Variants in VSNL1 observed in about 807,000 individuals in gnomAD.
VSNL1 encodes visinin-like protein 1.
VSNL1 carries 6 observed loss-of-function variants against 20.4 expected under a neutral mutation model. That is an observed-to-expected ratio of 0.29 (90% CI 0.16 to 0.58). VSNL1 has a LOEUF of 0.58. Ranked by LOEUF, VSNL1 falls within the 20% of genes least tolerant of loss-of-function variation. The pLI, the probability that VSNL1 is intolerant of heterozygous loss-of-function variation, is 0.90. For synonymous variants in VSNL1, 93 were observed against 86.4 expected (o/e 1.08, Z -0.42); for missense variants, 100 against 234.5 (o/e 0.43, Z 3.75).
At chr2:17,567,347 G>GTCT (rs1205553808) in intron 1 of VSNL1, 1 of 125,930 alleles carries the variant, frequency 7.9e-6, no homozygotes, top group Non-Finnish European at 1.6e-5. Flanking sequence ...GTCTCATAGA[G>GTCT]TCTCACTTTT....
At chr2:17,574,188 AT>A (rs1367223784) in intron 1 of VSNL1, among the ~76,000 whole-genome samples, 3 of 151,904 alleles carry the variant, frequency 2.0e-5, no homozygotes, top group African/African-American at 7.3e-5. Flanking sequence ...ATCCTATCCT[AT>A]GTCTTTCTTT....
chr2:17,549,375 T>A (rs2103337594), intron 1 of VSNL1, among the ~76,000 whole-genome samples: 1 of 152,262 alleles, frequency 6.6e-6, no homozygotes, highest in African/African-American at 2.4e-5. Flanking sequence ...TGCACATACA[T>A]CCAGATAGAT....
intron 2 of VSNL1, among the ~76,000 whole-genome samples, chr2:17,594,457 C>G (rs149469895): frequency 1.1e-4 from 16 of 152,216 alleles, no homozygotes; most frequent in Non-Finnish European, 1.5e-4. Flanking sequence ...AAAGGAGAAG[C>G]CTGGAAAAAG....
Position 17,649,308 on chromosome 2 carries a change from G to T in VSNL1, c.163-102G>T. On this transcript the variant is annotated intron_variant, in intron 2 of 3. Coordinates refer to ENST00000295156, the MANE Select transcript of VSNL1 (RefSeq NM_003385.5). This position sits in a 1 kb window ranked among gnomAD's most constrained non-coding sequence, Gnocchi z 6.4. ...ACTGCTCTCCAATGGGTGAGGCTCC[G>T]ACAACGCCCAGGAGCACCTGTGATG... 1.7e-6 allele frequency: 2 copies of T among 1,201,922 alleles called. No homozygotes were observed. Among genetic ancestry groups the T allele is most frequent in the South Asian group, 2.7e-5 (2 of 75,212 alleles). 74.5% of individuals were successfully genotyped at this position (1,201,922 alleles called of 1,614,324 possible).
chr2:17,630,163 A>C (rs1011689988), intron 2 of VSNL1, among the ~76,000 whole-genome samples: 2 of 152,232 alleles, frequency 1.3e-5, no homozygotes, highest in African/African-American at 4.8e-5. Context: ...CGGGCTTTCA[A>C]CTGTCTTTGC....
At position 17,655,157 on chromosome 2, in the gene VSNL1, G is replaced by C; in HGVS notation, c.379-40G>C. ...GCAAGAAGAGCTCTCTGTCCTCCTG[G>C]GTTTCTGGTAATATCACCTACAATG... On this transcript the variant is annotated intron_variant, in intron 3 of 3. Transcript: ENST00000295156. This position sits in a 1 kb window ranked among gnomAD's most constrained non-coding sequence, Gnocchi z 5.2. The C allele has an allele frequency of 6.2e-7, 1 of 1,603,826 alleles. No individual in the cohort carries two copies. The highest frequency in any genetic ancestry group is 1.1e-5 in the South Asian group (1 of 90,412).
At chr2:17,600,576 T>A (rs1271464669) in intron 2 of VSNL1, among the ~76,000 whole-genome samples, 1 of 152,272 alleles carries the variant, frequency 6.6e-6, no homozygotes, top group East Asian at 1.9e-4. Flanking sequence ...GATTTGGGGA[T>A]GACCAGTTTT....
chr2:17,603,214 A>G (rs554418263), intron 2 of VSNL1, among the ~76,000 whole-genome samples: 60 of 152,186 alleles, frequency 3.9e-4, no homozygotes, highest in Non-Finnish European at 7.5e-4. Flanking sequence ...CCATAAACCA[A>G]GTAGTGATAA....
At chr2:17,641,875 A>T (rs918036772) in intron 2 of VSNL1, among the ~76,000 whole-genome samples, 1 of 152,232 alleles carries the variant, frequency 6.6e-6, no homozygotes, top group Non-Finnish European at 1.5e-5. Context: ...TCGAAGTTTG[A>T]TCCTGTAATT....
chr2:17,616,024 A>T (rs1665208743), intron 2 of VSNL1, among the ~76,000 whole-genome samples: 1 of 152,250 alleles, frequency 6.6e-6, no homozygotes, highest in Admixed American at 6.5e-5. Flanking sequence ...CTTGAACAAA[A>T]GCACAGTTGT....
In VSNL1 at chr2:17,634,826, C is replaced by A. The variant is rs920215926; in HGVS notation, c.163-14584C>A. On this transcript the variant is annotated intron_variant, in intron 2 of 3. Coordinates refer to ENST00000295156, the MANE Select transcript of VSNL1 (RefSeq NM_003385.5). The surrounding 1 kb of genome is among the most constrained non-coding windows in gnomAD (Gnocchi z 4.3). ...GCTGCTTCCACTTTCTCCTGGAACC[C>A]CTCAAACCCCAGCCAGAGCCTCCTT... 2.6e-5 allele frequency among the ~76,000 whole-genome samples: 4 copies of A among 152,156 alleles called. No individual in the cohort carries two copies. The highest frequency in any genetic ancestry group is 9.7e-5 in the African/African-American group (4 of 41,424).
intron 1 of VSNL1, among the ~76,000 whole-genome samples, chr2:17,583,924 G>A (rs562540769): frequency 1.3e-5 from 2 of 152,154 alleles, no homozygotes; most frequent in Non-Finnish European, 2.9e-5. Context: ...CAGCCCAGTT[G>A]GCTGGGTCCT....
At position 17,655,193 on chromosome 2, in the gene VSNL1, C is replaced by T. The variant is rs777069952; in HGVS notation, c.379-4C>T. On this transcript the variant is annotated splice_region_variant and splice_polypyrimidine_tract_variant and intron_variant, in intron 3 of 3. Transcript: ENST00000295156. This position sits in a 1 kb window ranked among gnomAD's most constrained non-coding sequence, Gnocchi z 5.2. The stretch of plus-strand genomic sequence containing the variant: ...ATATCACCTACAATGCTTTTTTCCC[C>T]AAGGCTATCTACAAAATGGTAGGCA... The T allele has an allele frequency of 6.2e-7, 1 of 1,612,462 alleles. No individual in the cohort carries two copies. Among genetic ancestry groups the T allele is most frequent in the Non-Finnish European group, 8.5e-7 (1 of 1,179,556 alleles).
intron 2 of VSNL1, among the ~76,000 whole-genome samples, chr2:17,614,455 C>T (rs746506925): frequency 9.8e-5 from 15 of 152,326 alleles, no homozygotes; most frequent in Non-Finnish European, 1.9e-4. Flanking sequence ...GAGCCGACTC[C>T]GCCTTTGCTT....
chr2:17,542,792 G>A (rs1260762579), intron 1 of VSNL1, among the ~76,000 whole-genome samples: 1 of 152,174 alleles, frequency 6.6e-6, no homozygotes, highest in African/African-American at 2.4e-5. Context: ...ACTGATAAAT[G>A]CTTGGTCTTG....
intron 1 of VSNL1, among the ~76,000 whole-genome samples, chr2:17,589,340 A>G (rs1179681732): frequency 1.3e-5 from 2 of 152,252 alleles, no homozygotes; most frequent in East Asian, 3.8e-4. Context: ...ATGAGGTTGC[A>G]TCATGGAGAC....
chr2:17,622,532 A>AAAAGAAAGAAAGAAAGAAAGAAAGAAAG lies in VSNL1; in HGVS notation c.163-26834_163-26807dup, dbSNP rs201871488. ...AAAGAAAGAAAGAAAAGAAAGAAAG[A>AAAAGAAAGAAAGAAAGAAAGAAAGAAAG]AAAGAAAGAAAGAAAGAAAGAAAGA... On this transcript the variant is annotated intron_variant, in intron 2 of 3. Transcript: ENST00000295156. 1.4e-4 allele frequency among the ~76,000 whole-genome samples: 14 copies of AAAAGAAAGAAAGAAAGAAAGAAAGAAAG among 98,708 alleles called. No individual in the cohort carries two copies. In the East Asian group the frequency reaches 1.6e-3, roughly 11 times the overall value. 64.8% of individuals were successfully genotyped at this position (98,708 alleles called of 152,430 possible). A position where few individuals can be genotyped will look rare whatever the true frequency, so the allele number is the denominator to read the frequency against.
chr2:17,588,968 C>G (rs114623335), intron 1 of VSNL1, among the ~76,000 whole-genome samples: 1 of 152,130 alleles, frequency 6.6e-6, no homozygotes, highest in Non-Finnish European at 1.5e-5. Context: ...TAATAGTCCT[C>G]TCTCTCAAGA....
At chr2:17,632,010 C>T (rs1665643998) in intron 2 of VSNL1, among the ~76,000 whole-genome samples, 1 of 152,116 alleles carries the variant, frequency 6.6e-6, no homozygotes. Context: ...CCTCAGCCTC[C>T]CACGTAGCTG....
Sources: allele counts gnomAD v4.1 joint callset (sites outside exome capture counted in the v4.1 genomes callset), GRCh38; gene constraint gnomAD v4.1.1; non-coding constraint Gnocchi (gnomAD v3.1); transcripts MANE v1.5; gene names NCBI Gene and HGNC (gene_info 2026-07-23, HGNC 2026-07-21).